Variants in ATXN1 observed in about 807,000 individuals in gnomAD.
ATXN1 encodes ataxin 1.
ATXN1 carries 8 observed loss-of-function variants against 56.4 expected under a neutral mutation model. That is an observed-to-expected ratio of 0.14 (90% CI 0.08 to 0.26). The LOEUF (loss-of-function observed/expected upper bound fraction) is 0.26, where lower values mean the gene tolerates loss of function less well. Ranked by LOEUF, ATXN1 falls within the 10% of genes least tolerant of loss-of-function variation. ATXN1 has a pLI of 1.00. For missense variants in ATXN1, 987 were observed against 1,106.5 expected (o/e 0.89, Z 1.53); for synonymous variants, 514 against 494.6 (o/e 1.04, Z -0.52).
Position 16,554,838 on chromosome 6 carries a change from G to A in ATXN1, c.-361+30942C>T, listed in dbSNP as rs531104626. Among the ~76,000 whole-genome samples the A allele has an allele frequency of 3.3e-5, 5 of 151,962 alleles. 1 individual carries two copies. The highest frequency in any genetic ancestry group is 1.2e-4 in the African/African-American group (5 of 41,452). On this transcript the variant is annotated intron_variant, in intron 4 of 7. Coordinates refer to ENST00000436367, the MANE Select transcript of ATXN1 (RefSeq NM_001128164.2). ...ACTCCTGACCTCAGGTGATGCACCC[G>A]CCTCAGCCTCCCAAAGTGCTGAGAT...
At chr6:16,374,031 G>T (rs1239097875) in intron 6 of ATXN1, among the ~76,000 whole-genome samples, 1 of 151,580 alleles carries the variant, frequency 6.6e-6, no homozygotes, top group Non-Finnish European at 1.5e-5. Context: ...GCATAAACCA[G>T]GTGATAATAC....
chr6:16,722,578 T>C (rs1323006402), intron 2 of ATXN1, among the ~76,000 whole-genome samples: 4 of 152,120 alleles, frequency 2.6e-5, no homozygotes, highest in Admixed American at 6.5e-5. Context: ...CTGGGCTACA[T>C]GTATATGAGC....
rs896410702 is a variant in ATXN1, at chr6:16,304,872, C to T, written c.*1457G>A. On this transcript the variant is annotated 3_prime_UTR_variant, in exon 8 of 8. Transcript: ENST00000436367. ...AAAAATGAGTATTCTCTTCTCCATC[C>T]CTTTTCTCTCAGTTTCTCTGCCAAC... The T allele has an allele frequency of 6.6e-6, 1 of 152,624 alleles. No homozygotes were observed. The highest frequency in any genetic ancestry group is 1.5e-5 in the Non-Finnish European group (1 of 68,034). 9.5% of individuals were successfully genotyped at this position (152,624 alleles called of 1,614,324 possible). A position where few individuals can be genotyped will look rare whatever the true frequency, so the allele number is the denominator to read the frequency against.
At chr6:16,430,741 G>A (rs1410137844) in intron 6 of ATXN1, among the ~76,000 whole-genome samples, 3 of 151,766 alleles carry the variant, frequency 2.0e-5, no homozygotes, top group Admixed American at 2.0e-4. Context: ...GTGTGTGTGT[G>A]TATGTGTGTG....
chr6:16,404,683 T>TGCACGCGCACTCGC (rs1236553534), intron 6 of ATXN1, among the ~76,000 whole-genome samples: 1 of 152,150 alleles, frequency 6.6e-6, no homozygotes, highest in Non-Finnish European at 1.5e-5. Flanking sequence ...CATACGCACA[T>TGCACGCGCACTCGC]GCACGCGCAC....
chr6:16,330,706 C>T (rs920294015), intron 6 of ATXN1, among the ~76,000 whole-genome samples: 1 of 151,984 alleles, frequency 6.6e-6, no homozygotes, highest in African/African-American at 2.4e-5. Flanking sequence ...GATTTAATGG[C>T]CCTTATTGGT....
intron 3 of ATXN1, among the ~76,000 whole-genome samples, chr6:16,645,004 A>G (rs1187263667): frequency 6.6e-6 from 1 of 152,180 alleles, no homozygotes; most frequent in African/African-American, 2.4e-5. Flanking sequence ...TTTACATAAT[A>G]TGTGCTTGTA....
At chr6:16,496,190 C>T (rs1419494292) in intron 5 of ATXN1, among the ~76,000 whole-genome samples, 1 of 152,142 alleles carries the variant, frequency 6.6e-6, no homozygotes, top group African/African-American at 2.4e-5. Flanking sequence ...TATTGCAAGA[C>T]AAAGGTGCTA....
intron 6 of ATXN1, among the ~76,000 whole-genome samples, chr6:16,354,550 C>G (rs1431940256): frequency 6.6e-6 from 1 of 152,128 alleles, no homozygotes; most frequent in African/African-American, 2.4e-5. Context: ...GCACTCGGAC[C>G]CTTCTATTTT....
chr6:16,696,312 C>T (rs1356978500), intron 2 of ATXN1, among the ~76,000 whole-genome samples: 1 of 152,130 alleles, frequency 6.6e-6, no homozygotes, highest in Non-Finnish European at 1.5e-5. Context: ...AGGACAGAGG[C>T]TGTGGCATCG....
chr6:16,608,283 G>C (rs1763047035), intron 3 of ATXN1, among the ~76,000 whole-genome samples: 1 of 152,154 alleles, frequency 6.6e-6, no homozygotes, highest in South Asian at 2.1e-4. Flanking sequence ...AGTCACCTTT[G>C]TTGACAATCA....
intron 6 of ATXN1, among the ~76,000 whole-genome samples, chr6:16,429,424 CG>C (rs1759231082): frequency 1.0e-5 from 1 of 95,406 alleles, no homozygotes. Flanking sequence ...ATTTTTTGTT[CG>C]TTTTTTTTTT....
intron 4 of ATXN1, among the ~76,000 whole-genome samples, chr6:16,581,512 G>C (rs1426467425): frequency 6.6e-6 from 1 of 152,044 alleles, no homozygotes; most frequent in Non-Finnish European, 1.5e-5. Context: ...TTATTTAAGA[G>C]ACCACTAAAA....
At chr6:16,400,842 T>C (rs1758553151) in intron 6 of ATXN1, among the ~76,000 whole-genome samples, 1 of 152,192 alleles carries the variant, frequency 6.6e-6, no homozygotes, top group Non-Finnish European at 1.5e-5. Context: ...GTCTACTTTT[T>C]GGCCATTTTT....
chr6:16,702,905 T>C (rs537008808), intron 2 of ATXN1, among the ~76,000 whole-genome samples: 5 of 152,262 alleles, frequency 3.3e-5, no homozygotes, highest in African/African-American at 7.2e-5. Context: ...AGTTCAACCA[T>C]TGTGGAAGTC....
At chr6:16,469,951 ACT>A (rs755132430) in intron 6 of ATXN1, among the ~76,000 whole-genome samples, 5 of 111,234 alleles carry the variant, frequency 4.5e-5, no homozygotes, top group Non-Finnish European at 7.3e-5. Flanking sequence ...CAAGAGCAAA[ACT>A]CTGTCTCAAA....
intron 4 of ATXN1, among the ~76,000 whole-genome samples, chr6:16,543,632 TAAAAAA>T (rs566914364): frequency 9.4e-6 from 1 of 106,404 alleles, no homozygotes; most frequent in Admixed American, 9.8e-5. Flanking sequence ...GCTATTTTCC[TAAAAAA>T]AAAAAAAAAA....
chr6:16,734,102 A>C (rs139523054), intron 2 of ATXN1, among the ~76,000 whole-genome samples: 2 of 152,206 alleles, frequency 1.3e-5, no homozygotes, highest in Non-Finnish European at 2.9e-5. Context: ...TATAAAAAAA[A>C]AATGTCTATA....
In ATXN1 at chr6:16,533,849, G is replaced by A. The variant is rs548837494; in HGVS notation, c.-360-11161C>T. Among the ~76,000 whole-genome samples the A allele has an allele frequency of 6.6e-5, 10 of 152,210 alleles. No homozygotes were observed. In the South Asian group the frequency reaches 1.9e-3, roughly 28 times the overall value. ...TAACACCATATACCATGCACAAGAG[G>A]TGACTTCATGGAAACTGTCCCTATT... On this transcript the variant is annotated intron_variant, in intron 4 of 7. Transcript: ENST00000436367.
Sources: allele counts gnomAD v4.1 joint callset (sites outside exome capture counted in the v4.1 genomes callset), GRCh38; gene constraint gnomAD v4.1.1; transcripts MANE v1.5; gene names NCBI Gene and HGNC (gene_info 2026-07-23, HGNC 2026-07-21).